Variants in URI1 observed in about 807,000 individuals in gnomAD.
URI1 encodes unconventional prefoldin RPB5 interactor 1.
In URI1, 39 loss-of-function variants were observed where a neutral mutation model predicts 60.2. The ratio of observed to expected loss-of-function variants is 0.65; its 90% CI spans 0.50 to 0.85. The LOEUF (loss-of-function observed/expected upper bound fraction) is 0.85. URI1 is among the 40% of genes least tolerant of loss of function. The probability of loss-of-function intolerance (pLI) is 0.00; values close to 1 mark genes in which losing one functional copy is unlikely to be tolerated. For synonymous variants in URI1, 251 were observed against 236.8 expected, an observed-to-expected ratio of 1.06 and a Z score of -0.55; for missense variants, 691 against 665.9, an observed-to-expected ratio of 1.04 and a Z score of -0.42.
chr19:29,989,938 T>G (rs1436838138), intron 4 of URI1, among the ~76,000 whole-genome samples: 2 of 152,146 alleles, frequency 1.3e-5, no homozygotes, highest in Non-Finnish European at 2.9e-5. Flanking sequence ...ATGTGTGGTG[T>G]CATATCTAAG....
At chr19:29,998,881 C>T (rs981584572) in intron 4 of URI1, among the ~76,000 whole-genome samples, 3 of 151,592 alleles carry the variant, frequency 2.0e-5, no homozygotes, top group African/African-American at 7.3e-5. Context: ...TTTTTTTTGA[C>T]TCATTTCTAT....
intron 1 of URI1, among the ~76,000 whole-genome samples, chr19:29,945,872 T>TC (rs1450586245): frequency 6.6e-6 from 1 of 151,882 alleles, no homozygotes; most frequent in Non-Finnish European, 1.5e-5. Context: ...TTTTTTTTTT[T>TC]CCAAAAAAAG....
chr19:29,999,611 T>C (rs2055853365), intron 4 of URI1, among the ~76,000 whole-genome samples: 1 of 152,094 alleles, frequency 6.6e-6, no homozygotes, highest in African/African-American at 2.4e-5. Context: ...ATTCTCTCTT[T>C]GTTGTTGTTC....
At chr19:30,006,416 A>G (rs1165077571) in intron 6 of URI1, among the ~76,000 whole-genome samples, 2 of 152,140 alleles carry the variant, frequency 1.3e-5, no homozygotes, top group Non-Finnish European at 2.9e-5. Flanking sequence ...AACTCTTAAG[A>G]TAACTTACTG....
intron 4 of URI1, among the ~76,000 whole-genome samples, chr19:29,994,719 T>G (rs2055789765): frequency 6.6e-6 from 1 of 152,176 alleles, no homozygotes; most frequent in African/African-American, 2.4e-5. Flanking sequence ...AGTTCCCTGC[T>G]TTAAATTATT....
chr19:29,963,424 C>G (rs2055351039), intron 1 of URI1, among the ~76,000 whole-genome samples: 1 of 151,944 alleles, frequency 6.6e-6, no homozygotes, highest in South Asian at 2.1e-4. Flanking sequence ...TTCAGTTGTA[C>G]AATTTTCATT....
Position 30,007,450 on chromosome 19 carries a change from C to G in URI1, c.518-20C>G. On this transcript the variant is annotated intron_variant, in intron 6 of 10. Coordinates refer to ENST00000392271, the MANE Select transcript of URI1 (RefSeq NM_003796.3). ...TTATGTTGGCTATTAACAGCCACGTCTTTTCCTTTTTCTAAATAGCAAAAC... is the reference window on the plus strand; with the variant it reads ...TTATGTTGGCTATTAACAGCCACGTGTTTTCCTTTTTCTAAATAGCAAAAC... The G allele has an allele frequency of 6.2e-7, 1 of 1,609,494 alleles. No individual in the cohort carries two copies. Among genetic ancestry groups the G allele is most frequent in the Non-Finnish European group, 8.5e-7 (1 of 1,178,052 alleles).
At chr19:29,929,996 G>C (rs1280556107) in intron 1 of URI1, among the ~76,000 whole-genome samples, 1 of 148,572 alleles carries the variant, frequency 6.7e-6, no homozygotes, top group African/African-American at 2.5e-5. Context: ...GTGGAGTGCA[G>C]TGGTGTGATC....
chr19:30,007,761 A>G (rs2055963641), intron 7 of URI1, 123 bp downstream of exon 7: 5 of 776,038 alleles, frequency 6.4e-6, no homozygotes, highest in Non-Finnish European at 7.7e-6. Flanking sequence ...AGCATAATAT[A>G]TTATCAATAA....
At chr19:29,971,421 G>T (rs917989716) in intron 2 of URI1, among the ~76,000 whole-genome samples, 194 bp downstream of exon 2, 1 of 151,876 alleles carries the variant, frequency 6.6e-6, no homozygotes, top group Admixed American at 6.6e-5. Flanking sequence ...ACACATTTCT[G>T]ATTTCCTGAC....
chr19:30,003,150 G>C (rs765044270), intron 4 of URI1, among the ~76,000 whole-genome samples: 1 of 151,982 alleles, frequency 6.6e-6, no homozygotes, highest in Non-Finnish European at 1.5e-5. Flanking sequence ...ACAACCTGTA[G>C]ATACGAATTT....
At chr19:29,989,678 C>T (rs1308036847) in intron 4 of URI1, among the ~76,000 whole-genome samples, 1 of 152,114 alleles carries the variant, frequency 6.6e-6, no homozygotes, top group East Asian at 1.9e-4. Flanking sequence ...GCCTTGTGGT[C>T]CACCCACCTT....
At position 30,012,380 on chromosome 19, in the gene URI1, A is replaced by G. The variant is rs756425384; in HGVS notation, c.1274A>G (p.Glu425Gly). Residue 425 changes from glutamate (E) to glycine (G), a missense_variant, in exon 10 of 11, where the codon GAA becomes GGA. Glu to Gly is a moderately conservative substitution (Grantham distance 98, BLOSUM62 -2). Coordinates refer to ENST00000392271, the MANE Select transcript of URI1 (RefSeq NM_003796.3). ...AATAGTGTGTGTAGCGACACTAGTGAAAGCAGTGCTGCTGAATTTGATGAT... is the reference window on the plus strand; with the variant it reads ...AATAGTGTGTGTAGCGACACTAGTGGAAGCAGTGCTGCTGAATTTGATGAT... ...RENSVCSDTSESSAAEFDDRR... is the reference protein window; with the variant it reads ...RENSVCSDTSGSSAAEFDDRR... 1.2e-6 allele frequency: 2 copies of G among 1,614,210 alleles called. No individual in the cohort carries two copies. Among genetic ancestry groups the G allele is most frequent in the Non-Finnish European group, 1.7e-6 (2 of 1,180,022 alleles).
At chr19:29,964,251 G>A (rs1453366788) in intron 1 of URI1, among the ~76,000 whole-genome samples, 1 of 152,012 alleles carries the variant, frequency 6.6e-6, no homozygotes, top group East Asian at 1.9e-4. Context: ...GGCAGCTCTT[G>A]GGTGCCTTTA....
Position 29,970,202 on chromosome 19 carries a change from T to C in URI1, c.118-991T>C, listed in dbSNP as rs148805034. 6.0e-3 allele frequency among the ~76,000 whole-genome samples: 879 copies of C among 146,580 alleles called. 38 individuals carry two copies. Among genetic ancestry groups the C allele is most frequent in the Admixed American group, 0.056 (801 of 14,390 alleles). ...CATTGAGCATATACAAGAGACAATA[T>C]TGGTATTTAGAGCAGTGAACTAGAG... On this transcript the variant is annotated intron_variant, in intron 1 of 10. Coordinates refer to ENST00000392271, the MANE Select transcript of URI1 (RefSeq NM_003796.3).
At chr19:30,005,323 T>G (rs1330792771) in intron 4 of URI1, 38 bp from the exon 5 acceptor site, 1 of 1,215,528 alleles carries the variant, frequency 8.2e-7, no homozygotes, top group Non-Finnish European at 1.2e-6. Context: ...GTCGTATATA[T>G]GCCATGCTTT....
At position 30,012,842 on chromosome 19, in the gene URI1, A is replaced by G. The variant is rs143106826; in HGVS notation, c.1425+311A>G. On this transcript the variant is annotated intron_variant, in intron 10 of 10. Coordinates refer to ENST00000392271, the MANE Select transcript of URI1 (RefSeq NM_003796.3). Reference sequence around the variant, plus strand: ...CGCAGTTTATTTTAAATAAATTACCAGTAGGTCATTTTCTGATAGTGTAAG... The same window carrying G: ...CGCAGTTTATTTTAAATAAATTACCGGTAGGTCATTTTCTGATAGTGTAAG... 191 of 234,028 alleles carry G rather than the reference A, an allele frequency of 8.2e-4. 2 individuals are homozygous for G. In the East Asian group the frequency reaches 0.017, roughly 21 times the overall value. The allele number at this position is 234,028 out of a possible 1,614,324, so 14.5% of individuals were successfully genotyped here.
chr19:29,935,850 C>T (rs563248539), intron 1 of URI1, among the ~76,000 whole-genome samples: 18 of 151,106 alleles, frequency 1.2e-4, no homozygotes, highest in Admixed American at 2.6e-4. Context: ...GAAATGGTGC[C>T]GTCTTGGCTC....
chr19:29,958,058 G>A (rs2055273730), intron 1 of URI1: 1 of 152,000 alleles, frequency 6.6e-6, no homozygotes, highest in Non-Finnish European at 1.5e-5. Context: ...CCAAAGTGCT[G>A]GGACCACAAC....
Sources: gnomAD v4.1 joint callset for allele counts (sites outside exome capture counted in the v4.1 genomes callset) on GRCh38, gnomAD v4.1.1 for gene constraint, MANE v1.5 for transcripts, NCBI Gene and HGNC (gene_info 2026-07-23, HGNC 2026-07-21) for gene names.